TDRD12: variants seen among roughly 807,000 people sequenced by gnomAD.
The protein encoded by TDRD12 is putative ATP-dependent RNA helicase TDRD12.
A neutral mutation model predicts 133.5 loss-of-function variants in TDRD12; 158 were observed. The observed-to-expected ratio is 1.18, with a 90% CI of 1.04 to 1.35. TDRD12 has a LOEUF of 1.35. Among genes scored for constraint, TDRD12 ranks in the 40% most tolerant of loss-of-function variants. The pLI, the probability that TDRD12 is intolerant of heterozygous loss-of-function variation, is 0.00. For synonymous variants in TDRD12, 460 were observed against 477.9 expected, an observed-to-expected ratio of 0.96 and a Z score of 0.49; for missense variants, 1,443 against 1,321.3, an observed-to-expected ratio of 1.09 and a Z score of -1.43.
exon 24 of TDRD12, chr19:32,811,416 C>T (rs1278817006): frequency 1.6e-5 from 25 of 1,535,722 alleles, no homozygotes; most frequent in South Asian, 3.6e-5. Flanking sequence ...GAATGGAATC[C>T]GAAGGTGGGT....
chr19:32,798,982 G>T (rs931609052), intron 16 of TDRD12, among the ~76,000 whole-genome samples: 2 of 152,192 alleles, frequency 1.3e-5, no homozygotes, highest in African/African-American at 4.8e-5. Flanking sequence ...GGACATCACA[G>T]AATTTGTTTT....
chr19:32,721,738 T>C (rs1968684209), intron 1 of TDRD12, among the ~76,000 whole-genome samples: 1 of 138,586 alleles, frequency 7.2e-6, no homozygotes, highest in Non-Finnish European at 1.6e-5. Context: ...GAAGGAGTCT[T>C]GCTCAGTCAC....
chr19:32,795,272 G>T (rs1971190991), intron 14 of TDRD12, among the ~76,000 whole-genome samples: 1 of 150,366 alleles, frequency 6.7e-6, no homozygotes, highest in Non-Finnish European at 1.5e-5. Context: ...GGCGAAGGTT[G>T]CAGTGAGCCG....
intron 7 of TDRD12, 125 bp from the exon 8 acceptor site, chr19:32,756,913 C>T (rs1315536542): frequency 1.4e-6 from 1 of 720,924 alleles, no homozygotes; most frequent in African/African-American, 1.8e-5. Context: ...CACCTTGTGT[C>T]CCCTAGTCAG....
At chr19:32,783,283 G>T (rs1453429019) in intron 11 of TDRD12, among the ~76,000 whole-genome samples, 1 of 152,140 alleles carries the variant, frequency 6.6e-6, no homozygotes, top group Non-Finnish European at 1.5e-5. Context: ...TAGATGTGTG[G>T]CGTTATTTCT....
downstream of TDRD12, among the ~76,000 whole-genome samples, chr19:32,825,134 G>A (rs775168296): frequency 9.2e-5 from 14 of 152,264 alleles, no homozygotes; most frequent in African/African-American, 2.6e-4. The surrounding 1 kb of genome is among the most constrained non-coding windows in gnomAD (Gnocchi z 4.1). Context: ...GGTTCTTGAC[G>A]TCACTGGGTC....
intron 13 of TDRD12, 94 bp from the exon 14 acceptor site, chr19:32,794,534 G>C: frequency 1.6e-6 from 1 of 635,652 alleles, no homozygotes; most frequent in Non-Finnish European, 2.8e-6. Context: ...GTTTGGCAAT[G>C]TGTAGTGCTT....
chr19:32,739,773 TGCTCTCTCTGCATCTCCTGG>T (rs1969349698), intron 3 of TDRD12, among the ~76,000 whole-genome samples: 1 of 86,030 alleles, frequency 1.2e-5, no homozygotes, highest in Non-Finnish European at 2.2e-5. Flanking sequence ...CATCTCCTGG[TGCTCTCTCTGCATCTCCTGG>T]GTGCTCTCTG....
At chr19:32,826,481 G>A in exon 9 of TDRD12, 1 of 1,250,116 alleles carries the variant, frequency 8.0e-7, no homozygotes, top group South Asian at 3.8e-5. Flanking sequence ...TGGCTGATCT[G>A]GAGCTGCGGG....
intron 6 of TDRD12, among the ~76,000 whole-genome samples, chr19:32,753,896 A>G (rs928613557): frequency 2.6e-5 from 4 of 152,094 alleles, no homozygotes; most frequent in Non-Finnish European, 5.9e-5. Flanking sequence ...TGATTCATCC[A>G]TGTATTCACA....
rs11670515 is a variant in TDRD12, at chr19:32,752,460, G to A, written c.582+2591G>A. Reference sequence around the variant, plus strand: ...CTCCCAAAGTGCTGGGATTACAGGCGTGAGCCACCGTGCCTGGCCCCCTTC... The same window carrying A: ...CTCCCAAAGTGCTGGGATTACAGGCATGAGCCACCGTGCCTGGCCCCCTTC... On this transcript the variant is annotated intron_variant, in intron 6 of 27. Transcript: ENST00000444215. 8.7e-3 allele frequency among the ~76,000 whole-genome samples: 1,327 copies of A among 152,178 alleles called. 41 individuals are homozygous for A. In the East Asian group the frequency reaches 0.1, roughly 12 times the overall value.
chr19:32,807,536 A>G lies in TDRD12; in HGVS notation c.2553-13A>G. On this transcript the variant is annotated splice_polypyrimidine_tract_variant and intron_variant, in intron 21 of 27. Transcript: ENST00000444215. The stretch of plus-strand genomic sequence containing the variant: ...TTACTTACTTATGATAAGTCTAGTC[A>G]TTTCATTTTCAGAGACAAAAGGATC... 6.7e-7 allele frequency: 1 copy of G among 1,493,918 alleles called. No homozygotes were observed. Among genetic ancestry groups the G allele is most frequent in the Non-Finnish European group, 8.9e-7 (1 of 1,128,018 alleles). The allele number at this position is 1,493,918 out of a possible 1,614,324, so 92.5% of individuals were successfully genotyped here. A position where few individuals can be genotyped will look rare whatever the true frequency, so the allele number is the denominator to read the frequency against.
chr19:32,793,314 AC>A (rs1971124223), intron 13 of TDRD12, among the ~76,000 whole-genome samples: 1 of 152,214 alleles, frequency 6.6e-6, no homozygotes, highest in African/African-American at 2.4e-5. Flanking sequence ...TCTTAAAAAA[AC>A]GTACTTCCCT....
At chr19:32,788,663 C>T (rs1007299240) in intron 11 of TDRD12, among the ~76,000 whole-genome samples, 52 of 152,172 alleles carry the variant, frequency 3.4e-4, no homozygotes, top group African/African-American at 1.2e-3. Flanking sequence ...GTGCATTACT[C>T]GGTTTTTAAG....
intron 13 of TDRD12, among the ~76,000 whole-genome samples, chr19:32,794,252 T>C (rs1971157832): frequency 6.6e-6 from 1 of 151,790 alleles, no homozygotes; most frequent in Non-Finnish European, 1.5e-5. Flanking sequence ...ATTATAGGCA[T>C]GCACCACCAC....
At chr19:32,774,827 A>T (rs905994932) in intron 10 of TDRD12, among the ~76,000 whole-genome samples, 1 of 151,896 alleles carries the variant, frequency 6.6e-6, no homozygotes, top group Non-Finnish European at 1.5e-5. Context: ...TACTGAAAAT[A>T]AAAAAAAGTT....
chr19:32,756,907 T>C lies in TDRD12; in HGVS notation c.773-131T>C, dbSNP rs1970010956. 5 of 682,906 alleles carry C rather than the reference T, an allele frequency of 7.3e-6. No homozygotes were observed. The South Asian group carries it at 7.6e-5, about 10-fold the overall frequency. 42.3% of individuals were successfully genotyped at this position (682,906 alleles called of 1,614,324 possible). On this transcript the variant is annotated intron_variant, in intron 7 of 27. Transcript: ENST00000444215. ...ACATCCAGTTTTTAGTCCCCTCACCTTGTGTCCCCTAGTCAGGTTTCCTGT... is the reference window on the plus strand; with the variant it reads ...ACATCCAGTTTTTAGTCCCCTCACCCTGTGTCCCCTAGTCAGGTTTCCTGT...
At chr19:32,756,388 G>A (rs952555073) in intron 7 of TDRD12, among the ~76,000 whole-genome samples, 6 of 147,988 alleles carry the variant, frequency 4.1e-5, no homozygotes, top group Non-Finnish European at 9.0e-5. Context: ...AACTGCCCTC[G>A]ATTTCTGTTT....
At chr19:32,745,302 C>T (rs1969569087) in intron 4 of TDRD12, among the ~76,000 whole-genome samples, 2 of 152,200 alleles carry the variant, frequency 1.3e-5, no homozygotes, top group African/African-American at 4.8e-5. Flanking sequence ...CCTTCCCCAC[C>T]CAACCTAGGA....
Sources: allele counts gnomAD v4.1 joint callset (sites outside exome capture counted in the v4.1 genomes callset), GRCh38; gene constraint gnomAD v4.1.1; non-coding constraint Gnocchi (gnomAD v3.1); transcripts MANE v1.5; gene names NCBI Gene and HGNC (gene_info 2026-07-23, HGNC 2026-07-21).